EIPR1: variants seen among roughly 807,000 people sequenced by gnomAD.
The protein encoded by EIPR1 is EARP complex and GARP complex interacting protein 1.
A neutral mutation model predicts 48.1 loss-of-function variants in EIPR1; 25 were observed. That is an observed-to-expected ratio of 0.52 (90% CI 0.38 to 0.73). The LOEUF is 0.73. Among genes scored for constraint, EIPR1 ranks in the 30% least tolerant of loss-of-function variants. The pLI, the probability that EIPR1 is intolerant of heterozygous loss-of-function variation, is 0.00. For synonymous variants in EIPR1, 204 were observed against 201.9 expected (o/e 1.01, Z -0.09); for missense variants, 415 against 506.2 (o/e 0.82, Z 1.73).
chr2:3,320,954 A>G (rs1669508359), intron 3 of EIPR1, among the ~76,000 whole-genome samples: 1 of 152,230 alleles, frequency 6.6e-6, no homozygotes, highest in Non-Finnish European at 1.5e-5. Flanking sequence ...AGCTTAAAAT[A>G]AAATGCAAAA....
intron 2 of EIPR1, among the ~76,000 whole-genome samples, chr2:3,341,296 G>C (rs987401986): frequency 6.6e-6 from 1 of 152,084 alleles, no homozygotes; most frequent in Non-Finnish European, 1.5e-5. Context: ...CTGAGGTAAC[G>C]ACAGAGACCA....
chr2:3,264,050 T>G (rs1011914387), intron 3 of EIPR1, among the ~76,000 whole-genome samples: 2 of 152,208 alleles, frequency 1.3e-5, no homozygotes, highest in African/African-American at 4.8e-5. Flanking sequence ...GATACATTGT[T>G]ACTAACTGTG....
intron 4 of EIPR1, among the ~76,000 whole-genome samples, chr2:3,241,440 T>C (rs1666624535): frequency 6.6e-6 from 1 of 152,132 alleles, no homozygotes; most frequent in Non-Finnish European, 1.5e-5. Context: ...ATAACTGGAG[T>C]ATGCAAAGTG....
intron 1 of EIPR1, among the ~76,000 whole-genome samples, chr2:3,359,384 C>G (rs147704333): frequency 6.6e-6 from 1 of 152,296 alleles, no homozygotes; most frequent in African/African-American, 2.4e-5. Context: ...GAGCCGAGAG[C>G]TGCATACCTG....
At chr2:3,344,344 C>A (rs965885702) in intron 2 of EIPR1, among the ~76,000 whole-genome samples, 2 of 152,218 alleles carry the variant, frequency 1.3e-5, no homozygotes, top group Non-Finnish European at 2.9e-5. Context: ...AGCCATGGGC[C>A]CATATCGCTG....
chr2:3,297,547 G>T (rs1327786394), intron 3 of EIPR1, among the ~76,000 whole-genome samples: 1 of 152,226 alleles, frequency 6.6e-6, no homozygotes, highest in Non-Finnish European at 1.5e-5. Context: ...ATGCCCAGGG[G>T]AAACAGCCAG....
chr2:3,334,323 G>T (rs1289107239), intron 3 of EIPR1, among the ~76,000 whole-genome samples: 1 of 152,244 alleles, frequency 6.6e-6, no homozygotes, highest in Admixed American at 6.5e-5. Flanking sequence ...AGTCTGTGGT[G>T]CTTCTGGATT....
At chr2:3,350,696 C>T (rs1157539416) in intron 2 of EIPR1, among the ~76,000 whole-genome samples, 1 of 152,116 alleles carries the variant, frequency 6.6e-6, no homozygotes, top group East Asian at 1.9e-4. Context: ...CATGCCTTTA[C>T]CAGAAACAGA....
chr2:3,371,002 C>T (rs917694766), intron 1 of EIPR1, among the ~76,000 whole-genome samples: 7 of 152,190 alleles, frequency 4.6e-5, no homozygotes, highest in Non-Finnish European at 8.8e-5. Flanking sequence ...GGTCGGGTTA[C>T]CCACAAAGGG....
At chr2:3,285,629 G>C (rs1668159772) in intron 3 of EIPR1, among the ~76,000 whole-genome samples, 2 of 152,210 alleles carry the variant, frequency 1.3e-5, no homozygotes, top group Admixed American at 1.3e-4. Flanking sequence ...CTGCGCAAGA[G>C]TTACTAACAC....
chr2:3,369,567 C>T (rs999040225), intron 1 of EIPR1, among the ~76,000 whole-genome samples: 5 of 152,208 alleles, frequency 3.3e-5, no homozygotes, highest in Non-Finnish European at 7.3e-5. Context: ...TAGGAAACAG[C>T]GCACCAGGAG....
intron 1 of EIPR1, among the ~76,000 whole-genome samples, chr2:3,363,963 T>C (rs928256119): frequency 4.6e-5 from 7 of 152,074 alleles, no homozygotes; most frequent in Non-Finnish European, 8.8e-5. Context: ...CATAATGAGA[T>C]TTCATTTCAC....
intron 8 of EIPR1, among the ~76,000 whole-genome samples, chr2:3,190,356 C>T (rs1352099524): frequency 6.6e-6 from 1 of 152,178 alleles, no homozygotes. Context: ...TAGGAAAATG[C>T]TTCACCCCCC....
intron 4 of EIPR1, among the ~76,000 whole-genome samples, chr2:3,222,401 G>A (rs1665924541): frequency 6.6e-6 from 1 of 152,202 alleles, no homozygotes; most frequent in Non-Finnish European, 1.5e-5. Flanking sequence ...TATTATCAGA[G>A]GAAGCAATAA....
chr2:3,374,232 G>T (rs1209520117), intron 1 of EIPR1, among the ~76,000 whole-genome samples: 1 of 152,000 alleles, frequency 6.6e-6, no homozygotes. Context: ...ATTAATTCAA[G>T]ATGGAATAAA....
At chr2:3,223,753 GCTC>G (rs1203532019) in intron 4 of EIPR1, among the ~76,000 whole-genome samples, 5 of 152,062 alleles carry the variant, frequency 3.3e-5, no homozygotes, top group African/African-American at 1.2e-4. Context: ...CTCTCTCTAT[GCTC>G]CTCCTCCCAA....
chr2:3,283,899 T>C (rs953747527), intron 3 of EIPR1, among the ~76,000 whole-genome samples: 1 of 144,134 alleles, frequency 6.9e-6, no homozygotes, highest in Non-Finnish European at 1.5e-5. Flanking sequence ...TGAGCCAAGA[T>C]TGCGCCATTG....
chr2:3,352,103 G>C (rs966521856), intron 2 of EIPR1, among the ~76,000 whole-genome samples: 7 of 82,670 alleles, frequency 8.5e-5, no homozygotes, highest in Non-Finnish European at 9.9e-5. Flanking sequence ...TGTCTGTTCC[G>C]GACACCTTTG....
At chr2:3,374,751 G>C (rs1480850977) in intron 1 of EIPR1, among the ~76,000 whole-genome samples, 3 of 143,792 alleles carry the variant, frequency 2.1e-5, no homozygotes, top group African/African-American at 7.8e-5. Flanking sequence ...AGAGGATGTG[G>C]AGAAATAGGA....
Sources: allele counts gnomAD v4.1 joint callset (sites outside exome capture counted in the v4.1 genomes callset), GRCh38; gene constraint gnomAD v4.1.1; transcripts MANE v1.5; gene names NCBI Gene and HGNC (gene_info 2026-07-23, HGNC 2026-07-21).